Variants in DMD observed in about 807,000 individuals in gnomAD.
DMD encodes the protein mutant dystrophin.
A neutral mutation model predicts 330.1 loss-of-function variants in DMD; 63 were observed. The ratio of observed to expected loss-of-function variants is 0.19; its 90% CI spans 0.16 to 0.24. The LOEUF is 0.24. DMD is among the 10% of genes least tolerant of loss of function. The pLI, the probability that DMD is intolerant of heterozygous loss-of-function variation, is 1.00. For synonymous variants in DMD, 1,223 were observed against 959.8 expected, an observed-to-expected ratio of 1.27 and a Z score of -5.07; for missense variants, 3,344 against 2,684.1, an observed-to-expected ratio of 1.25 and a Z score of -5.43.
chrX:32,061,514 A>G (rs1295879608), intron 44 of DMD, among the ~76,000 whole-genome samples: 1 of 111,704 alleles, frequency 9.0e-6, no homozygotes, highest in African/African-American at 3.2e-5. Flanking sequence ...TCTGACTACA[A>G]GCATATCGGC....
chrX:31,904,078 T>G (rs1297440624), intron 47 of DMD, among the ~76,000 whole-genome samples: 1 of 111,736 alleles, frequency 8.9e-6, no homozygotes, highest in Non-Finnish European at 1.9e-5. Flanking sequence ...TGCAGCCTTA[T>G]ACTATCTCTT....
intron 2 of DMD, among the ~76,000 whole-genome samples, chrX:32,979,256 T>C (rs1315296129): frequency 1.8e-5 from 2 of 112,289 alleles, no homozygotes; most frequent in Non-Finnish European, 3.8e-5. Flanking sequence ...TACAAGTCAC[T>C]TATTTTCTGG....
chrX:31,715,221 G>GC (rs367831496), intron 52 of DMD, among the ~76,000 whole-genome samples: 8,598 of 78,463 alleles, frequency 0.11, 523 homozygotes, highest in Admixed American at 0.32. Context: ...GGGGGTTGGT[G>GC]GGGGGGGAGC....
chrX:33,102,120 T>C (rs1193945424), intron 1 of DMD, among the ~76,000 whole-genome samples: 1 of 111,962 alleles, frequency 8.9e-6, no homozygotes, highest in Non-Finnish European at 1.9e-5. Context: ...TCATAGACTG[T>C]CACGTTTTAT....
In DMD at chrX:31,928,755, G is replaced by T. The variant is rs755870402; in HGVS notation, c.6912+841C>A. Among the ~76,000 whole-genome samples the T allele has an allele frequency of 3.6e-5, 4 of 111,682 alleles. No individual in the cohort carries two copies. In the South Asian group the frequency reaches 1.1e-3, roughly 31 times the overall value. ...CCTTAAAAAAGTAACACCGAAATAC[G>T]ATTGAATTGTTCACTTTAAATGAGT... On this transcript the variant is annotated intron_variant, in intron 47 of 78. Transcript: ENST00000357033.
intron 9 of DMD, among the ~76,000 whole-genome samples, chrX:32,649,167 T>C (rs921567117): frequency 9.1e-6 from 1 of 109,773 alleles, no homozygotes; most frequent in Non-Finnish European, 1.9e-5. Context: ...TATTCAACGT[T>C]ATCCACAGAC....
At chrX:32,011,226 T>C (rs769228529) in intron 44 of DMD, among the ~76,000 whole-genome samples, 2 of 112,665 alleles carry the variant, frequency 1.8e-5, no homozygotes, top group Admixed American at 9.4e-5. Flanking sequence ...TGAAGTCATC[T>C]CTGTTTTGTC....
At chrX:31,756,874 C>T (rs2089147059) in intron 51 of DMD, among the ~76,000 whole-genome samples, 1 of 111,619 alleles carries the variant, frequency 9.0e-6, no homozygotes, top group Non-Finnish European at 1.9e-5. Context: ...TCAAAATCTG[C>T]TCTTTCTTAT....
At chrX:31,718,354 T>C (rs1235695561) in intron 52 of DMD, among the ~76,000 whole-genome samples, 1 of 111,230 alleles carries the variant, frequency 9.0e-6, no homozygotes, top group Non-Finnish European at 1.9e-5. Flanking sequence ...TTTACTCTTA[T>C]AGCTAGCAGG....
At position 33,179,083 on chromosome X, in the gene DMD, G is replaced by GT. The variant is rs759074272; in HGVS notation, c.31+32198dup. On this transcript the variant is annotated intron_variant, in intron 1 of 78. Coordinates refer to ENST00000357033, the MANE Select transcript of DMD (RefSeq NM_004006.3). ...ACATAGAATGTATCTCATTAAAATT[G>GT]TAACAGAGTAAGAAAAGCTTACTTC... 3.1e-3 allele frequency among the ~76,000 whole-genome samples: 349 copies of GT among 112,022 alleles called. 1 individual carries two copies. The highest frequency in any genetic ancestry group is 0.011 in the African/African-American group (332 of 30,807).
intron 55 of DMD, among the ~76,000 whole-genome samples, chrX:31,527,398 A>G (rs974783919): frequency 8.9e-6 from 1 of 111,885 alleles, no homozygotes; most frequent in Non-Finnish European, 1.9e-5. Flanking sequence ...TTAGGATATA[A>G]TAAGTTAGGG....
At position 31,121,858 on chromosome X, in the gene DMD, A is replaced by ATGAC. The variant is rs1327332363; in HGVS notation, c.*57_*60dup. The ATGAC allele has an allele frequency of 5.0e-6, 6 of 1,203,501 alleles. No homozygotes were observed. The highest frequency in any genetic ancestry group is 2.2e-5 in the Admixed American group (1 of 45,756). Reference sequence around the variant, plus strand: ...TTATTCTGCTCCTTCTTCATCTGTCATGACTGATACTAAGGACTCCATCGC... The same window carrying ATGAC: ...TTATTCTGCTCCTTCTTCATCTGTCATGACTGACTGATACTAAGGACTCCATCGC... On this transcript the variant is annotated 3_prime_UTR_variant, in exon 79 of 79. Coordinates refer to ENST00000357033, the MANE Select transcript of DMD (RefSeq NM_004006.3).
intron 45 of DMD, among the ~76,000 whole-genome samples, chrX:31,944,598 C>G (rs1268788843): frequency 2.8e-5 from 3 of 106,782 alleles, no homozygotes; most frequent in Non-Finnish European, 5.8e-5. Flanking sequence ...CTGCTTCAGC[C>G]TCCCGAGTAG....
chrX:32,234,137 C>T (rs1279311723), intron 43 of DMD, among the ~76,000 whole-genome samples: 1 of 110,982 alleles, frequency 9.0e-6, no homozygotes, highest in Non-Finnish European at 1.9e-5. Flanking sequence ...CACGAGAGAC[C>T]AGAAAGAATT....
intron 4 of DMD, among the ~76,000 whole-genome samples, chrX:32,828,207 G>A (rs989901488): frequency 4.8e-4 from 53 of 111,268 alleles, no homozygotes; most frequent in Non-Finnish European, 5.7e-4. Context: ...TGTCTTTATC[G>A]TAGAACAATT....
intron 45 of DMD, among the ~76,000 whole-genome samples, chrX:31,943,250 C>G (rs926425592): frequency 1.3e-4 from 15 of 112,103 alleles, no homozygotes; most frequent in African/African-American, 4.9e-4. Context: ...TAGACATCTA[C>G]TAGGGAATTA....
At chrX:32,567,691 C>A (rs945781573) in intron 15 of DMD, among the ~76,000 whole-genome samples, 1 of 112,583 alleles carries the variant, frequency 8.9e-6, no homozygotes, top group African/African-American at 3.2e-5. Flanking sequence ...GCCACCATAC[C>A]CAGCCCAATA....
intron 43 of DMD, among the ~76,000 whole-genome samples, chrX:32,272,615 T>A (rs1295190320): frequency 9.0e-6 from 1 of 111,711 alleles, no homozygotes. Context: ...GGGGTCACGA[T>A]ATAGACTCTG....
rs144194077 is a variant in DMD at position 31,787,417 on chromosome X, T to C, written c.7310-13225A>G. Among the ~76,000 whole-genome samples the C allele has an allele frequency of 4.4e-3, 499 of 112,417 alleles. 2 individuals carry two copies. The highest frequency in any genetic ancestry group is 0.014 in the African/African-American group (440 of 31,031). On this transcript the variant is annotated intron_variant, in intron 50 of 78. Coordinates refer to ENST00000357033, the MANE Select transcript of DMD (RefSeq NM_004006.3). ...AATTATTTATTGGTATCACATGTTA[T>C]ATAATTCAATTGAATGCTCTAAAAA...
Sources: gnomAD v4.1 joint callset for allele counts (sites outside exome capture counted in the v4.1 genomes callset) on GRCh38, gnomAD v4.1.1 for gene constraint, MANE v1.5 for transcripts, NCBI Gene and HGNC (gene_info 2026-07-23, HGNC 2026-07-21) for gene names.